DNAH6: variants seen among roughly 807,000 people sequenced by gnomAD.
DNAH6 encodes the protein axonemal beta dynein heavy chain 6.
In DNAH6, 340 loss-of-function variants were observed where a neutral mutation model predicts 491.4. That is an observed-to-expected ratio of 0.69 (90% confidence interval 0.63 to 0.76). DNAH6 has a LOEUF of 0.76. DNAH6 is among the 30% of genes least tolerant of loss of function. The probability of loss-of-function intolerance (pLI) is 0.00; values close to 1 mark genes in which losing one functional copy is unlikely to be tolerated. For missense variants in DNAH6, 4,443 were observed against 4,972.2 expected (o/e 0.89, Z 3.20); for synonymous variants, 1,603 against 1,686.1 (o/e 0.95, Z 1.21).
chr2:84,579,704 C>T (rs774793653), intron 14 of DNAH6, 25 bp downstream of exon 14: 2 of 1,528,518 alleles, frequency 1.3e-6, no homozygotes, highest in Non-Finnish European at 1.8e-6. Flanking sequence ...TCATATAACT[C>T]AATATTCCAG....
Position 84,733,572 on chromosome 2 carries a change from A to G in DNAH6, c.10335A>G (p.Ile3445Met). Residue 3445 changes from isoleucine to methionine, a missense_variant, in exon 62 of 77, where the codon ATA becomes ATG. Physicochemically the swap from Ile to Met is conservative, Grantham distance 10. Transcript: ENST00000389394. Reference protein sequence around the residue: ...TQNILSHPISIRLGSFETYIN... With the variant: ...TQNILSHPISMRLGSFETYIN... ...ATATATTGTCACATCCTATTTCCAT[A>G]CGCTTAGGTAATGTGACAAAAAGAA... The G allele has an allele frequency of 6.4e-7, 1 of 1,551,230 alleles. No homozygotes were observed. The highest frequency in any genetic ancestry group is 8.7e-7 in the Non-Finnish European group (1 of 1,146,726).
At chr2:84,580,639 C>T (rs189472997) in intron 14 of DNAH6, among the ~76,000 whole-genome samples, 41 of 152,268 alleles carry the variant, frequency 2.7e-4, no homozygotes, top group African/African-American at 8.4e-4. Context: ...TTCAAGAAAT[C>T]GTGCCTTCTC....
chr2:84,747,758 C>T (rs1293322910), intron 63 of DNAH6, among the ~76,000 whole-genome samples: 1 of 152,200 alleles, frequency 6.6e-6, no homozygotes, highest in East Asian at 1.9e-4. Flanking sequence ...AGGCTTCTTC[C>T]TGGACACCCA....
chr2:84,511,372 C>T, the DNAH6 span, among the ~76,000 whole-genome samples: 3 of 137,116 alleles, frequency 2.2e-5, no homozygotes, highest in Non-Finnish European at 4.4e-5. Flanking sequence ...CTCTCCAAGC[C>T]ATGCGCGGGA....
intron 11 of DNAH6, among the ~76,000 whole-genome samples, chr2:84,571,990 G>A (rs913303007): frequency 8.6e-5 from 13 of 152,022 alleles, no homozygotes; most frequent in Admixed American, 6.6e-4. Context: ...TAGAAAAGTA[G>A]ACCAGAACAA....
chr2:84,731,269 G>A (rs547825093), intron 61 of DNAH6, among the ~76,000 whole-genome samples: 1 of 152,292 alleles, frequency 6.6e-6, no homozygotes, highest in East Asian at 1.9e-4. Flanking sequence ...TTCCTGGAAA[G>A]GACAAGACAG....
rs1325241591 is a variant in DNAH6 at position 84,654,654 on chromosome 2, C to T, written c.5635-6C>T. ...CTGTTTCCTGTTCAATTTTCTTCAA[C>T]TTTAGGTGCAAGATCTGCGGGTTGC... On this transcript the variant is annotated splice_polypyrimidine_tract_variant and splice_region_variant and intron_variant, in intron 34 of 76. Coordinates refer to ENST00000389394, the MANE Select transcript of DNAH6 (RefSeq NM_001370.2). 11 of 1,550,468 alleles carry T rather than the reference C, an allele frequency of 7.1e-6. No homozygotes were observed. Among genetic ancestry groups the T allele is most frequent in the East Asian group, 2.4e-5 (1 of 40,900 alleles).
At chr2:84,782,988 T>C (rs564547867) in intron 65 of DNAH6, among the ~76,000 whole-genome samples, 1 of 152,322 alleles carries the variant, frequency 6.6e-6, no homozygotes, top group Non-Finnish European at 1.5e-5. Context: ...TTTAAGTGCT[T>C]ACTAAACTTA....
intron 29 of DNAH6, among the ~76,000 whole-genome samples, chr2:84,628,594 G>A (rs56410545): frequency 0.024 from 3,631 of 152,282 alleles, 63 homozygotes; most frequent in Non-Finnish European, 0.036. Context: ...ACTGGGTTGA[G>A]ACTTTGTGTT....
chr2:84,495,788 C>T, the DNAH6 span, among the ~76,000 whole-genome samples: 1 of 152,108 alleles, frequency 6.6e-6, no homozygotes, highest in African/African-American at 2.4e-5. Flanking sequence ...TTAAGCAGCC[C>T]GTGACTTATG....
In DNAH6 at chr2:84,529,054, C is replaced by T. The variant is rs1201313883; in HGVS notation, c.550C>T (p.Arg184Cys). Residue 184 changes from arginine to cysteine, a missense_variant, in exon 4 of 77, where the codon CGT becomes TGT. By Grantham distance (180) the Arg-to-Cys change is radical (BLOSUM62 -3). This residue lies in a region of DNAH6 where 2,977 missense variants were observed against 3,296.6 expected (regional missense o/e 0.90). Coordinates refer to ENST00000389394, the MANE Select transcript of DNAH6 (RefSeq NM_001370.2). ...DREEVVKANI[R>C]DPLQIIKIIR... ...AGAAGAAGTTGTTAAAGCCAACATT[C>T]GTGATCCCTTGCAAATCATTAAAAT... is the stretch of plus-strand genomic sequence containing the variant. 4.5e-6 allele frequency: 7 copies of T among 1,551,138 alleles called. No individual in the cohort carries two copies. In the African/African-American group the frequency reaches 5.5e-5, roughly 12 times the overall value.
intron 29 of DNAH6, among the ~76,000 whole-genome samples, chr2:84,633,214 C>T (rs951635883): frequency 1.3e-5 from 2 of 152,136 alleles, no homozygotes; most frequent in Admixed American, 6.6e-5. Flanking sequence ...TGAATCTCGG[C>T]GACTGAAGTG....
At chr2:84,474,257 A>G in the DNAH6 span, among the ~76,000 whole-genome samples, 7 of 152,204 alleles carry the variant, frequency 4.6e-5, no homozygotes, top group Admixed American at 4.6e-4. Context: ...TTTCTTAATG[A>G]CAAATACAGG....
rs774302383 is a variant in DNAH6 at position 84,722,763 on chromosome 2, A to G, written c.9931A>G (p.Ile3311Val). 1.4e-5 allele frequency: 21 copies of G among 1,535,616 alleles called. No homozygotes were observed. The highest frequency in any genetic ancestry group is 1.8e-5 in the Non-Finnish European group (21 of 1,142,248). The stretch of plus-strand genomic sequence containing the variant: ...CTTTGTCATTGCAAGCCTCTCAGAA[A>G]TAGATCCTATGTACCAGTACTCATT... Reference protein sequence around the residue: ...MYFVIASLSEIDPMYQYSLKY... With the variant: ...MYFVIASLSEVDPMYQYSLKY... The change falls in exon 60 of 77, where the codon ATA becomes GTA. Residue 3311 changes from isoleucine to valine, a missense_variant. Transcript: ENST00000389394.
At chr2:84,495,592 T>C in the DNAH6 span, among the ~76,000 whole-genome samples, 1 of 152,206 alleles carries the variant, frequency 6.6e-6, no homozygotes, top group Non-Finnish European at 1.5e-5. Context: ...TGGTTCAATA[T>C]TTTGAAGGAA....
rs1339048358 is a variant in DNAH6 at position 84,812,342 on chromosome 2, C to G, written c.11741C>G (p.Thr3914Ser). ...RFNNLLKLIH[T>S]SLETLNKAIA... ...CCAACCCCTTTTTTGTTCTTTCAGA[C>G]TTCTCTGGAAACACTCAACAAAGCC... The change falls in exon 73 of 77, where the codon ACT (threonine) becomes AGT (serine). Residue 3914 changes from threonine (T) to serine (S), a missense_variant and splice_region_variant. Around this residue, in one of 3 missense-constraint regions of DNAH6, gnomAD observed 1,463 missense variants for 1,656.6 expected, o/e 0.88. Transcript: ENST00000389394. The G allele has an allele frequency of 1.3e-6, 2 of 1,551,082 alleles. No homozygotes were observed. The highest frequency in any genetic ancestry group is 1.7e-6 in the Non-Finnish European group (2 of 1,146,644).
In DNAH6 at chr2:84,670,435, C is replaced by T; in HGVS notation, c.6414C>T (p.Ile2138=). Residue 2138 remains isoleucine, a synonymous_variant, in exon 39 of 77, where the codon ATC becomes ATT. Transcript: ENST00000389394. ...CTTCATCTGCAAGGACACAAGAGAT[C>T]ATTGAGTCAAAACTGGAGAGAAAAA... ...AQTSSARTQE[I]IESKLERKRK... 6.5e-7 allele frequency: 1 copy of T among 1,544,130 alleles called. No individual in the cohort carries two copies. The highest frequency in any genetic ancestry group is 1.2e-5 in the South Asian group (1 of 81,786).
At chr2:84,619,335 T>G (rs985227716) in intron 23 of DNAH6, among the ~76,000 whole-genome samples, 1 of 152,212 alleles carries the variant, frequency 6.6e-6, no homozygotes, top group Non-Finnish European at 1.5e-5. Context: ...GGCTACATTT[T>G]AGGGAAAACA....
Position 84,710,298 on chromosome 2 carries a change from G to A in DNAH6, c.9264G>A (p.Trp3088Ter). The A allele has an allele frequency of 1.3e-6, 2 of 1,551,580 alleles. No homozygotes were observed. Among genetic ancestry groups the A allele is most frequent in the Non-Finnish European group, 8.7e-7 (1 of 1,146,928 alleles). The change falls in exon 56 of 77, where the codon TGG (tryptophan) becomes TGA (stop). Residue 3088 changes from tryptophan (W) to a stop codon, truncating the protein, a stop_gained. Coordinates refer to ENST00000389394, the MANE Select transcript of DNAH6 (RefSeq NM_001370.2). LOFTEE classifies it high-confidence loss of function. ...MIDPQDQANR[W>*]IRNKESKSGL... The stretch of plus-strand genomic sequence containing the variant: ...GCTTTTCCAAACAGGCAAACCGTTG[G>A]ATAAGGAACAAGGAAAGCAAAAGTG...
Sources: gnomAD v4.1 joint callset for allele counts (sites outside exome capture counted in the v4.1 genomes callset) on GRCh38, gnomAD v4.1.1 for gene constraint, gnomAD v4.1.1 regional missense constraint, MANE v1.5 for transcripts, NCBI Gene and HGNC (gene_info 2026-07-23, HGNC 2026-07-21) for gene names.